Variants in TYW1B observed in about 807,000 individuals in gnomAD.
TYW1B encodes the protein S-adenosyl-L-methionine-dependent tRNA 4-demethylwyosine synthase TYW1B.
In TYW1B, 73 loss-of-function variants were observed where a neutral mutation model predicts 86.9. The observed-to-expected ratio is 0.84, with a 90% confidence interval of 0.70 to 1.02. TYW1B has a LOEUF of 1.02. TYW1B is among the 50% of genes least tolerant of loss of function. The pLI, the probability that TYW1B is intolerant of heterozygous loss-of-function variation, is 0.00. For missense variants in TYW1B, 637 were observed against 827.4 expected (o/e 0.77, Z 2.82); for synonymous variants, 248 against 292.8 (o/e 0.85, Z 1.56).
chr7:72,620,979 C>T (rs1367299526), intron 12 of TYW1B, among the ~76,000 whole-genome samples: 2 of 152,190 alleles, frequency 1.3e-5, no homozygotes, highest in African/African-American at 4.8e-5. Context: ...ATAACCCACA[C>T]TTTTATAGCC....
intron 12 of TYW1B, among the ~76,000 whole-genome samples, chr7:72,627,592 A>G (rs1812380092): frequency 6.6e-6 from 1 of 152,226 alleles, no homozygotes; most frequent in Admixed American, 6.6e-5. Context: ...GTAAAATAAT[A>G]TATGCATTTA....
At chr7:72,771,797 T>C (rs1554469674) in intron 7 of TYW1B, among the ~76,000 whole-genome samples, 1 of 151,670 alleles carries the variant, frequency 6.6e-6, no homozygotes, top group East Asian at 1.9e-4. Context: ...GAGAAAACAA[T>C]TTAAAATCTA....
intron 8 of TYW1B, among the ~76,000 whole-genome samples, chr7:72,730,584 G>T (rs1255394824): frequency 5.4e-5 from 8 of 148,782 alleles, no homozygotes; most frequent in Non-Finnish European, 1.0e-4. Flanking sequence ...AAAAGAAAAG[G>T]AAAAGAAGAA....
intron 13 of TYW1B, among the ~76,000 whole-genome samples, chr7:72,601,627 G>A (rs1441088508): frequency 1.3e-5 from 2 of 151,418 alleles, no homozygotes; most frequent in Non-Finnish European, 2.9e-5. Context: ...TCCTTCAATA[G>A]GTGAATGAAT....
chr7:72,669,932 A>AAAATAAAT (rs78712037), intron 11 of TYW1B, among the ~76,000 whole-genome samples: 1,744 of 141,044 alleles, frequency 0.012, 26 homozygotes, highest in African/African-American at 0.03. Flanking sequence ...CCATTTCTAC[A>AAAATAAAT]AAATAAATAA....
chr7:72,693,523 C>A (rs1554450821), intron 11 of TYW1B, among the ~76,000 whole-genome samples: 1 of 151,628 alleles, frequency 6.6e-6, no homozygotes, highest in Non-Finnish European at 1.5e-5. Flanking sequence ...ATTCTCCCAC[C>A]TTAGCCTCCT....
intron 9 of TYW1B, among the ~76,000 whole-genome samples, chr7:72,724,875 C>A (rs1392006837): frequency 3.3e-5 from 5 of 152,152 alleles, no homozygotes; most frequent in Admixed American, 6.5e-5. Flanking sequence ...CATTCTAATG[C>A]CTACTCAGGA....
At chr7:72,766,043 C>A (rs1463366876) in intron 7 of TYW1B, among the ~76,000 whole-genome samples, 1 of 152,160 alleles carries the variant, frequency 6.6e-6, no homozygotes, top group African/African-American at 2.4e-5. Context: ...CTTAACAAAA[C>A]CTAACTTAAG....
At chr7:72,631,904 C>G (rs1812501135) in intron 11 of TYW1B, among the ~76,000 whole-genome samples, 1 of 152,162 alleles carries the variant, frequency 6.6e-6, no homozygotes, top group Non-Finnish European at 1.5e-5. Flanking sequence ...AGAACCAAGC[C>G]TGGCAGCAGC....
intron 12 of TYW1B, among the ~76,000 whole-genome samples, chr7:72,619,078 C>T (rs1812151537): frequency 6.6e-6 from 1 of 152,190 alleles, no homozygotes. Context: ...GAGGACTTTC[C>T]AGATCTCCCC....
At chr7:72,737,452 C>A (rs1787215934) in intron 8 of TYW1B, among the ~76,000 whole-genome samples, 1 of 152,116 alleles carries the variant, frequency 6.6e-6, no homozygotes, top group Admixed American at 6.6e-5. Context: ...GCATTGTTGG[C>A]TATGAACAGG....
Position 72,603,220 on chromosome 7 carries a change from T to C in TYW1B, c.1785+13452A>G, listed in dbSNP as rs1176984745. Among the ~76,000 whole-genome samples the C allele has an allele frequency of 8.2e-5, 12 of 146,126 alleles. No homozygotes were observed. The East Asian group carries it at 1.8e-3, about 22-fold the overall frequency. ...GACAGACAGAGATTAGCTGGACAGA[T>C]AGACACAGACAGATGATGGACGGAC... On this transcript the variant is annotated intron_variant, in intron 13 of 13. Coordinates refer to ENST00000620995, the MANE Select transcript of TYW1B (RefSeq NM_001145440.3).
At chr7:72,684,667 T>C (rs1813963608) in intron 11 of TYW1B, among the ~76,000 whole-genome samples, 1 of 152,210 alleles carries the variant, frequency 6.6e-6, no homozygotes, top group Admixed American at 6.6e-5. Flanking sequence ...TAAAAATGTT[T>C]ATTTTTCTTA....
chr7:72,599,453 G>C (rs1419404907), intron 13 of TYW1B, among the ~76,000 whole-genome samples: 8 of 152,242 alleles, frequency 5.3e-5, no homozygotes, highest in Admixed American at 3.9e-4. Flanking sequence ...TGAGAAGCTA[G>C]ATATTCCCCC....
intron 10 of TYW1B, among the ~76,000 whole-genome samples, chr7:72,712,931 A>T (rs1267017002): frequency 6.6e-6 from 1 of 152,060 alleles, no homozygotes; most frequent in Non-Finnish European, 1.5e-5. Flanking sequence ...CCCCAACTCC[A>T]CGTCTTTCTC....
At chr7:72,584,768 T>A (rs1811237090) in intron 13 of TYW1B, among the ~76,000 whole-genome samples, 1 of 152,104 alleles carries the variant, frequency 6.6e-6, no homozygotes, top group Non-Finnish European at 1.5e-5. Flanking sequence ...TATTCCAAAT[T>A]CTTAAGGTAC....
rs146151274 is a variant in TYW1B at position 72,783,799 on chromosome 7, G to A, written c.847-6266C>T. ...GGGGACTCATTGTTAAGTGCTCCTA[G>A]CTACAGAGACCATGGTGAGTCAAGA... On this transcript the variant is annotated intron_variant, in intron 6 of 13. Transcript: ENST00000620995. 2.2e-4 allele frequency among the ~76,000 whole-genome samples: 33 copies of A among 152,296 alleles called. No homozygotes were observed. In the East Asian group the frequency reaches 6.2e-3, roughly 28 times the overall value.
At chr7:72,618,227 A>ATTTTT (rs869158136) in intron 12 of TYW1B, among the ~76,000 whole-genome samples, 10,223 of 103,626 alleles carry the variant, frequency 0.099, 667 homozygotes, top group East Asian at 0.35. Context: ...ATGACACTGA[A>ATTTTT]TTTTTTTTTT....
intron 8 of TYW1B, among the ~76,000 whole-genome samples, chr7:72,733,467 G>A (rs1270728287): frequency 2.0e-5 from 3 of 152,126 alleles, no homozygotes; most frequent in Non-Finnish European, 4.4e-5. Flanking sequence ...AGACCATCCT[G>A]GCTAATACGG....
Sources: allele counts gnomAD v4.1 joint callset (sites outside exome capture counted in the v4.1 genomes callset), GRCh38; gene constraint gnomAD v4.1.1; transcripts MANE v1.5; gene names NCBI Gene and HGNC (gene_info 2026-07-23, HGNC 2026-07-21).